The following B9D1 variants were observed in gnomAD, a reference collection of about 807,000 sequenced individuals.
B9D1 encodes the protein B9 domain-containing protein 1.
Under a neutral mutation model 26.1 loss-of-function variants are expected in B9D1, and 20 were observed. The observed-to-expected ratio is 0.77, with a 90% CI of 0.54 to 1.12. B9D1 has a LOEUF of 1.12. B9D1 is among the 50% of genes most tolerant of loss of function. B9D1 has a pLI of 0.00. For missense variants in B9D1, 260 were observed against 273.7 expected, an observed-to-expected ratio of 0.95 and a Z score of 0.35; for synonymous variants, 105 against 103.1, an observed-to-expected ratio of 1.02 and a Z score of -0.11.
chr17:19,343,019 G>T (rs190879232), downstream of B9D1: 14 of 1,196,646 alleles, frequency 1.2e-5, no homozygotes, highest in East Asian at 4.8e-4. Context: ...CATCCCACAT[G>T]CCATCCTGCT....
chr17:19,357,793 G>C, intron 3 of B9D1, 47 bp downstream of exon 3: 1 of 1,390,110 alleles, frequency 7.2e-7, no homozygotes, highest in Non-Finnish European at 1.0e-6. Flanking sequence ...TGGGGGTGCT[G>C]TGTGAAAGCT....
chr17:19,348,179 C>T (rs1909116585), intron 3 of B9D1, among the ~76,000 whole-genome samples: 1 of 151,534 alleles, frequency 6.6e-6, no homozygotes. Context: ...TTCCAGAGGC[C>T]TTATCTGGGC....
chr17:19,367,437 G>A (rs556911726), upstream of B9D1, among the ~76,000 whole-genome samples: 35 of 150,268 alleles, frequency 2.3e-4, no homozygotes, highest in Admixed American at 1.1e-3. Context: ...TCAGCCTCCC[G>A]AGTAGCTGGG....
chr17:19,348,933 G>A (rs1909223916), intron 3 of B9D1, among the ~76,000 whole-genome samples: 2 of 152,134 alleles, frequency 1.3e-5, no homozygotes, highest in African/African-American at 4.8e-5. Flanking sequence ...ATGGACACAT[G>A]GGCTGCCCTT....
At chr17:19,377,706 T>C (rs1487691038) in intron 1 of B9D1, 9 of 325,838 alleles carry the variant, frequency 2.8e-5, no homozygotes, top group Non-Finnish European at 4.0e-5. Context: ...CTATCGGATT[T>C]TGGGGTGGGT....
intron 2 of B9D1, 66 bp from the exon 3 acceptor site, chr17:19,358,017 T>C (rs1910580385): frequency 8.0e-7 from 1 of 1,247,744 alleles, no homozygotes. Context: ...CTCCTCCCCT[T>C]ACCTTCAGCA....
chr17:19,362,755 G>A, upstream of B9D1: 1 of 1,506,506 alleles, frequency 6.6e-7, no homozygotes, highest in Non-Finnish European at 8.9e-7. Flanking sequence ...CGTTATAAGG[G>A]GGCGGGGCAC....
Position 19,347,220 on chromosome 17 carries a change from A to T in B9D1, c.404+49T>A. On this transcript the variant is annotated intron_variant, in intron 5 of 6. Transcript: ENST00000261499. The surrounding 1 kb of genome is among the most constrained non-coding windows in gnomAD (Gnocchi z 4.3). ...AACTGAGGGGTAGAATGGGACATCC[A>T]TTCATCCAGTAGATCAGGAGGGGCT... 3 of 1,614,212 alleles carry T rather than the reference A, an allele frequency of 1.9e-6. No homozygotes were observed. The highest frequency in any genetic ancestry group is 2.5e-6 in the Non-Finnish European group (3 of 1,180,024).
chr17:19,371,616 T>C (rs575970729), intron 1 of B9D1: 16 of 152,466 alleles, frequency 1.0e-4, no homozygotes, highest in East Asian at 9.6e-4. Flanking sequence ...ACCTGTTCCA[T>C]TGGTGCCTGC....
rs1380249866 is a variant in B9D1, at chr17:19,344,668, C to G, written c.405-811G>C. ...CGGACACACCCGGCCCCGAGGGTCG[C>G]TGGCAACCATGCCGACCCAAAAGCC... On this transcript the variant is annotated intron_variant, in intron 5 of 6. Transcript: ENST00000261499. 1.8e-5 allele frequency: 3 copies of G among 166,350 alleles called. No homozygotes were observed. In the Admixed American group the frequency reaches 2.0e-4, roughly 11 times the overall value. The allele number at this position is 166,350 out of a possible 1,614,324, so 10.3% of individuals were successfully genotyped here.
In B9D1 at chr17:19,343,288, A is replaced by T. The variant is rs1598044862; in HGVS notation, c.*31T>A. On this transcript the variant is annotated 3_prime_UTR_variant, in exon 7 of 7. Transcript: ENST00000261499. Reference sequence around the variant, plus strand: ...GCTGACTTCGGGAAGGCAGCCCTTCATTATCAGAGACTGTGCAGCCTGTGG... The same window carrying T: ...GCTGACTTCGGGAAGGCAGCCCTTCTTTATCAGAGACTGTGCAGCCTGTGG... 3.7e-6 allele frequency: 6 copies of T among 1,613,802 alleles called. No individual in the cohort carries two copies. Among genetic ancestry groups the T allele is most frequent in the Non-Finnish European group, 3.4e-6 (4 of 1,179,934 alleles).
At chr17:19,345,473 C>T (rs895935959) in intron 5 of B9D1, among the ~76,000 whole-genome samples, 7 of 152,244 alleles carry the variant, frequency 4.6e-5, no homozygotes, top group African/African-American at 1.2e-4. Flanking sequence ...AACAGGGTCA[C>T]GTGCACTTTG....
At chr17:19,367,345 CT>C (rs1277959787), upstream of B9D1, among the ~76,000 whole-genome samples, 2 of 134,012 alleles carry the variant, frequency 1.5e-5, no homozygotes, top group Admixed American at 1.6e-4. Context: ...GAGTTTCGCT[CT>C]TGTTGCCCAG....
chr17:19,335,480 T>G (rs1345153750), downstream of B9D1: 2 of 1,549,210 alleles, frequency 1.3e-6, no homozygotes, highest in Admixed American at 3.9e-5. Flanking sequence ...CTTGTGTGTC[T>G]GTGATCTCCT....
At chr17:19,350,749 C>T (rs1380451957) in intron 3 of B9D1, among the ~76,000 whole-genome samples, 2 of 152,012 alleles carry the variant, frequency 1.3e-5, no homozygotes, top group East Asian at 3.9e-4. Flanking sequence ...GGGAAGCTTC[C>T]TTCTATTCCT....
At position 19,372,207 on chromosome 17, in the gene B9D1, AC is replaced by A. The variant is rs1911931513; in HGVS notation, c.-298+5651del. 6.6e-6 allele frequency: 1 copy of A among 152,332 alleles called. No individual in the cohort carries two copies. The allele number at this position is 152,332 out of a possible 1,614,324, so 9.4% of individuals were successfully genotyped here. The stretch of plus-strand genomic sequence containing the variant: ...TGCTGCAGTGTGGGTGAAGGGCCAG[AC>A]CTTGTGTCAGGTGCCCCTGCAGATA... On this transcript the variant is annotated intron_variant, in intron 1 of 5. Transcript: ENST00000477478. This position sits in a 1 kb window ranked among gnomAD's most constrained non-coding sequence, Gnocchi z 4.4.
chr17:19,350,997 C>T (rs1325654312), intron 3 of B9D1, among the ~76,000 whole-genome samples: 1 of 152,092 alleles, frequency 6.6e-6, no homozygotes, highest in East Asian at 1.9e-4. Context: ...CGCCACCAAA[C>T]CCGGCTAATT....
intron 1 of B9D1, among the ~76,000 whole-genome samples, chr17:19,376,976 A>G (rs79259362): frequency 0.12 from 18,619 of 152,154 alleles, 1,517 homozygotes; most frequent in Non-Finnish European, 0.19. Context: ...CTCCCCTTTG[A>G]GTTGTCCCGC....
At position 19,370,687 on chromosome 17, in the gene B9D1, G is replaced by C. The variant is rs528916461; in HGVS notation, c.-298+7172C>G. On this transcript the variant is annotated intron_variant, in intron 1 of 5. Coordinates refer to the B9D1 transcript ENST00000477478. The surrounding 1 kb of genome is among the most constrained non-coding windows in gnomAD (Gnocchi z 5.1). ...TGCTGAATGGTGGAAGCAGGGGTGA[G>C]GCCCCGAGAGGTGTCTGGAGCCATC... Among the ~76,000 whole-genome samples the C allele has an allele frequency of 1.3e-5, 2 of 152,294 alleles. No homozygotes were observed. The highest frequency in any genetic ancestry group is 3.9e-4 in the East Asian group (2 of 5,182).
Sources: gnomAD v4.1 joint callset for allele counts (sites outside exome capture counted in the v4.1 genomes callset) on GRCh38, gnomAD v4.1.1 for gene constraint, Gnocchi (gnomAD v3.1) non-coding constraint, MANE v1.5 for transcripts, NCBI Gene and HGNC (gene_info 2026-07-23, HGNC 2026-07-21) for gene names.